RAVER2: variants seen among roughly 807,000 people sequenced by gnomAD.
RAVER2 encodes the protein ribonucleoprotein PTB-binding 2.
A neutral mutation model predicts 78.1 loss-of-function variants in RAVER2; 46 were observed. The ratio of observed to expected loss-of-function variants is 0.59; its 90% CI spans 0.46 to 0.75. The LOEUF (loss-of-function observed/expected upper bound fraction) is 0.75, where lower values mean the gene tolerates loss of function less well. Ranked by LOEUF, RAVER2 falls within the 30% of genes least tolerant of loss-of-function variation. The pLI is 0.00. For synonymous variants in RAVER2, 311 were observed against 313.3 expected (o/e 0.99, Z 0.08); for missense variants, 793 against 837.5 (o/e 0.95, Z 0.66).
chr1:64,773,337 G>A (rs1291600581), intron 2 of RAVER2, among the ~76,000 whole-genome samples: 8 of 150,226 alleles, frequency 5.3e-5, no homozygotes, highest in African/African-American at 7.4e-5. Context: ...TCCCTCCCCC[G>A]CTACACCCCC....
intron 2 of RAVER2, among the ~76,000 whole-genome samples, chr1:64,776,670 A>G (rs948093614): frequency 1.3e-5 from 2 of 152,154 alleles, no homozygotes; most frequent in African/African-American, 4.8e-5. Context: ...ACTTGTAGAG[A>G]GCAATTTATT....
At chr1:64,815,436 G>C (rs1360960334) in intron 11 of RAVER2, 1 of 152,152 alleles carries the variant, frequency 6.6e-6, no homozygotes, top group Non-Finnish European at 1.5e-5. Context: ...AAGATGTCCT[G>C]TGTCATTACT....
chr1:64,787,717 A>T (rs926916476), intron 4 of RAVER2, among the ~76,000 whole-genome samples: 6 of 152,140 alleles, frequency 3.9e-5, no homozygotes, highest in Middle Eastern at 3.2e-3. Flanking sequence ...CACTGGGGTG[A>T]TGCTGCTGTT....
intron 4 of RAVER2, among the ~76,000 whole-genome samples, chr1:64,788,091 G>A (rs12024798): frequency 0.2 from 29,923 of 152,032 alleles, 3,161 homozygotes; most frequent in East Asian, 0.28. Flanking sequence ...ATTATTTCAT[G>A]TTTTTAGGAA....
intron 2 of RAVER2, among the ~76,000 whole-genome samples, chr1:64,771,739 GA>G (rs1476395130): frequency 6.6e-6 from 1 of 152,024 alleles, no homozygotes; most frequent in African/African-American, 2.4e-5. Flanking sequence ...ATAAGTTAAA[GA>G]TGTATACTGT....
intron 9 of RAVER2, among the ~76,000 whole-genome samples, chr1:64,811,506 TG>T (rs1256912963): frequency 1.3e-5 from 2 of 152,212 alleles, no homozygotes; most frequent in Non-Finnish European, 2.9e-5. Context: ...AATTGCTTGA[TG>T]TGTACCACAG....
Position 64,830,835 on chromosome 1 carries a change from A to G in RAVER2, c.1930-4A>G. On this transcript the variant is annotated splice_region_variant and splice_polypyrimidine_tract_variant and intron_variant, in intron 11 of 11. Coordinates refer to ENST00000294428, the Ensembl canonical transcript of RAVER2. ...AAACTAGCTGCAATTTTATTTTCTC[A>G]TAGGTGTCATCTTTAAGAAATGAAA... is the stretch of plus-strand genomic sequence containing the variant. The G allele has an allele frequency of 2.5e-6, 4 of 1,587,664 alleles. No individual in the cohort carries two copies. The highest frequency in any genetic ancestry group is 3.4e-6 in the Non-Finnish European group (4 of 1,166,516).
chr1:64,814,879 T>G (rs774298897), intron 11 of RAVER2, 39 bp downstream of exon 11: 1 of 1,456,006 alleles, frequency 6.9e-7, no homozygotes, highest in Non-Finnish European at 9.2e-7. Flanking sequence ...TCAGAAAAAT[T>G]GGTTCAACTA....
chr1:64,831,849 T>G (rs537644207), exon 12 of RAVER2: 18 of 152,338 alleles, frequency 1.2e-4, no homozygotes, highest in Admixed American at 2.6e-4. Context: ...GACGTTGCCA[T>G]GCTCATTCAT....
rs1228696912 is a variant in RAVER2 at position 64,808,497 on chromosome 1, T to TGTTG, written c.1680+1024_1680+1027dup. 9.0e-5 allele frequency among the ~76,000 whole-genome samples: 13 copies of TGTTG among 144,966 alleles called. No individual in the cohort carries two copies. In the East Asian group the frequency reaches 2.6e-3, roughly 29 times the overall value. ...TTTTTTTTGAGACCAAGTCTTGCTCTGTTGCCCAGGCTGGAATGCAGCGAC... is the reference window on the plus strand; with the variant it reads ...TTTTTTTTGAGACCAAGTCTTGCTCTGTTGGTTGCCCAGGCTGGAATGCAGCGAC... On this transcript the variant is annotated intron_variant, in intron 9 of 11. Transcript: ENST00000294428.
intron 9 of RAVER2, among the ~76,000 whole-genome samples, chr1:64,808,992 G>A (rs1653525512): frequency 6.6e-6 from 1 of 152,058 alleles, no homozygotes; most frequent in Non-Finnish European, 1.5e-5. Context: ...GGCAGGTTCT[G>A]GAAAATAAGT....
intron 1 of RAVER2, among the ~76,000 whole-genome samples, chr1:64,761,316 G>A (rs1406140515): frequency 1.3e-5 from 2 of 152,162 alleles, no homozygotes; most frequent in Admixed American, 6.5e-5. Context: ...TATATGATAG[G>A]ACTGCGTTGG....
chr1:64,766,946 A>G (rs977954984), intron 1 of RAVER2, among the ~76,000 whole-genome samples: 1 of 152,184 alleles, frequency 6.6e-6, no homozygotes, highest in Non-Finnish European at 1.5e-5. Context: ...AAAAATTACC[A>G]TAGTAATATG....
At chr1:64,823,833 G>A (rs1313233932) in intron 11 of RAVER2, among the ~76,000 whole-genome samples, 10 of 137,984 alleles carry the variant, frequency 7.2e-5, no homozygotes, top group East Asian at 4.2e-4. Flanking sequence ...TTGAGACAGC[G>A]TCTTGCTCTG....
intron 11 of RAVER2, among the ~76,000 whole-genome samples, chr1:64,825,983 G>A (rs370895867): frequency 4.6e-5 from 7 of 152,344 alleles, no homozygotes; most frequent in East Asian, 1.9e-4. Flanking sequence ...TGCCCAAAGC[G>A]AGAAGCACAT....
intron 1 of RAVER2, among the ~76,000 whole-genome samples, chr1:64,746,765 G>A (rs565531932): frequency 6.6e-6 from 1 of 152,226 alleles, no homozygotes; most frequent in South Asian, 2.1e-4. Flanking sequence ...TACCTGTTAA[G>A]GACACCTGCA....
chr1:64,766,011 A>T (rs766691020), intron 1 of RAVER2, among the ~76,000 whole-genome samples: 12 of 152,118 alleles, frequency 7.9e-5, no homozygotes, highest in Non-Finnish European at 1.3e-4. Context: ...TTTTTTGTTG[A>T]GGGTGGGGTG....
chr1:64,797,829 A>T (rs12132206), intron 5 of RAVER2, among the ~76,000 whole-genome samples: 1 of 151,384 alleles, frequency 6.6e-6, no homozygotes, highest in Non-Finnish European at 1.5e-5. Context: ...TGTATTTTCT[A>T]TTATCTTGGA....
intron 1 of RAVER2, among the ~76,000 whole-genome samples, chr1:64,760,234 T>C (rs937352890): frequency 1.3e-5 from 2 of 151,836 alleles, no homozygotes; most frequent in South Asian, 4.1e-4. Context: ...GGCTGAGAAA[T>C]ATAGTTGTTA....
Sources: gnomAD v4.1 joint callset for allele counts (sites outside exome capture counted in the v4.1 genomes callset) on GRCh38, gnomAD v4.1.1 for gene constraint, MANE v1.5 for transcripts, NCBI Gene and HGNC (gene_info 2026-07-23, HGNC 2026-07-21) for gene names.